The following PPP2R3A variants were observed in gnomAD, a reference collection of about 807,000 sequenced individuals.
PPP2R3A encodes the protein serine/threonine-protein phosphatase 2A regulatory subunit B'' subunit alpha.
In PPP2R3A, 80 loss-of-function variants were observed where a neutral mutation model predicts 106.9. That is an observed-to-expected ratio of 0.75 (90% CI 0.62 to 0.90). PPP2R3A has a LOEUF of 0.90. Among genes scored for constraint, PPP2R3A ranks in the 40% least tolerant of loss-of-function variants. The pLI, the probability that PPP2R3A is intolerant of heterozygous loss-of-function variation, is 0.00. For missense variants in PPP2R3A, 1,386 were observed against 1,350.4 expected, an observed-to-expected ratio of 1.03 and a Z score of -0.41; for synonymous variants, 483 against 468.3, an observed-to-expected ratio of 1.03 and a Z score of -0.41.
intron 13 of PPP2R3A, among the ~76,000 whole-genome samples, chr3:136,143,692 G>A (rs1576344897): frequency 6.6e-6 from 1 of 152,110 alleles, no homozygotes; most frequent in Non-Finnish European, 1.5e-5. Context: ...TCGGGAGGCT[G>A]AGGCAGGAGA....
intron 1 of PPP2R3A, 37 bp downstream of exon 1, chr3:135,965,886 T>G (rs1306289686): frequency 1.3e-5 from 2 of 150,518 alleles, no homozygotes; most frequent in Non-Finnish European, 3.0e-5. Context: ...GCCTGGAGCC[T>G]TCAGCTCCCT....
chr3:136,068,948 C>A (rs1055436631), intron 5 of PPP2R3A, among the ~76,000 whole-genome samples: 9 of 152,110 alleles, frequency 5.9e-5, no homozygotes, highest in African/African-American at 1.7e-4. Flanking sequence ...TAATCATGAC[C>A]AGACATCAAA....
At chr3:136,123,168 C>T (rs1425240169) in intron 13 of PPP2R3A, among the ~76,000 whole-genome samples, 1 of 151,994 alleles carries the variant, frequency 6.6e-6, no homozygotes, top group African/African-American at 2.4e-5. Context: ...AATAAGGACA[C>T]AGAATAGCAA....
intron 13 of PPP2R3A, among the ~76,000 whole-genome samples, chr3:136,142,235 T>C (rs1938904560): frequency 6.6e-6 from 1 of 152,226 alleles, no homozygotes; most frequent in Non-Finnish European, 1.5e-5. Context: ...GGTAATTTTA[T>C]TGTGAGACAT....
intron 13 of PPP2R3A, among the ~76,000 whole-genome samples, chr3:136,127,237 C>A (rs1024945371): frequency 1.6e-4 from 24 of 152,064 alleles, no homozygotes; most frequent in African/African-American, 5.8e-4. Context: ...GGAGGATGTT[C>A]GAACCCATTG....
In PPP2R3A at chr3:136,030,776, ATATATG is replaced by A. The variant is rs1221111126; in HGVS notation, c.2262+3682_2262+3687del. ...TATTCCATCACATATATATATATAT[ATATATG>A]TATGTATGTATGTATGTATGTATGT... On this transcript the variant is annotated intron_variant, in intron 3 of 13. Transcript: ENST00000264977. 2.8e-3 allele frequency among the ~76,000 whole-genome samples: 343 copies of A among 124,426 alleles called. 2 individuals carry two copies. Among genetic ancestry groups the A allele is most frequent in the African/African-American group, 5.3e-3 (128 of 24,100 alleles). The allele number at this position is 124,426 out of a possible 152,430, so 81.6% of individuals were successfully genotyped here.
At position 136,118,904 on chromosome 3, in the gene PPP2R3A, C is replaced by T. The variant is rs563849170; in HGVS notation, c.3329+12582C>T. Among the ~76,000 whole-genome samples, 6 of 152,274 alleles carry T rather than the reference C, an allele frequency of 3.9e-5. No homozygotes were observed. In the South Asian group the frequency reaches 1.2e-3, roughly 32 times the overall value. On this transcript the variant is annotated intron_variant, in intron 13 of 13. Coordinates refer to ENST00000264977, the MANE Select transcript of PPP2R3A (RefSeq NM_002718.5). ...TCATATGGAACCAAAAAAGAGCCCACATTGCCAAGCCAATCCTAAGCAAAA... is the reference window on the plus strand; with the variant it reads ...TCATATGGAACCAAAAAAGAGCCCATATTGCCAAGCCAATCCTAAGCAAAA...
intron 1 of PPP2R3A, among the ~76,000 whole-genome samples, chr3:135,983,726 G>A (rs549160850): frequency 1.3e-5 from 2 of 152,188 alleles, no homozygotes; most frequent in African/African-American, 4.8e-5. Context: ...TAGCCTTATG[G>A]CATGTTTTGT....
chr3:136,086,848 C>A (rs1369894581), intron 8 of PPP2R3A, among the ~76,000 whole-genome samples: 6 of 152,128 alleles, frequency 3.9e-5, no homozygotes, highest in Non-Finnish European at 4.4e-5. Flanking sequence ...GCTGCTAAGT[C>A]CCTAATGACC....
chr3:136,017,738 A>G (rs1186478900), intron 2 of PPP2R3A, among the ~76,000 whole-genome samples: 3 of 152,186 alleles, frequency 2.0e-5, no homozygotes, highest in African/African-American at 7.2e-5. Context: ...CAGAGTGACT[A>G]TGCTATCTTT....
At chr3:136,098,753 C>T (rs1030767252) in intron 10 of PPP2R3A, among the ~76,000 whole-genome samples, 1 of 152,162 alleles carries the variant, frequency 6.6e-6, no homozygotes, top group Admixed American at 6.5e-5. Flanking sequence ...AACCAAGAAG[C>T]AACCAGATAT....
intron 5 of PPP2R3A, among the ~76,000 whole-genome samples, chr3:136,065,346 A>C (rs981903490): frequency 1.3e-5 from 2 of 152,190 alleles, no homozygotes; most frequent in Non-Finnish European, 2.9e-5. Flanking sequence ...AGTGTAAATG[A>C]TTGGAAAGAA....
intron 2 of PPP2R3A, among the ~76,000 whole-genome samples, chr3:136,024,066 A>T (rs1934563069): frequency 6.6e-6 from 1 of 152,166 alleles, no homozygotes; most frequent in South Asian, 2.1e-4. Context: ...ACAGTGACAT[A>T]ATAGCACAAG....
chr3:136,070,652 G>A, intron 6 of PPP2R3A, 100 bp downstream of exon 6: 1 of 839,276 alleles, frequency 1.2e-6, no homozygotes, highest in Non-Finnish European at 1.7e-6. Context: ...AAGGTAACAT[G>A]GGTTATAATG....
Position 136,015,595 on chromosome 3 carries a change from C to T in PPP2R3A, c.1996-11237C>T, listed in dbSNP as rs769386091. On this transcript the variant is annotated intron_variant, in intron 2 of 13. Transcript: ENST00000264977. ...CATCTCTTCTAGGTTTTTCAGTTTG[C>T]GTGCATGAAGGTGTTCATAGTAGCC... Among the ~76,000 whole-genome samples the T allele has an allele frequency of 7.5e-4, 114 of 151,840 alleles. 1 individual carries two copies. The highest frequency in any genetic ancestry group is 3.4e-3 in the Middle Eastern group (1 of 292).
intron 13 of PPP2R3A, among the ~76,000 whole-genome samples, chr3:136,120,191 C>T (rs900754967): frequency 3.3e-5 from 5 of 151,980 alleles, no homozygotes; most frequent in East Asian, 1.9e-4. Flanking sequence ...ATGTGGATGA[C>T]GGGTTTGATG....
At chr3:135,985,443 A>C (rs1338446918) in intron 1 of PPP2R3A, among the ~76,000 whole-genome samples, 1 of 148,866 alleles carries the variant, frequency 6.7e-6, no homozygotes, top group African/African-American at 2.5e-5. Context: ...CCTCTCTCTC[A>C]CACACACATA....
chr3:136,065,768 T>G (rs1936246647), intron 5 of PPP2R3A, among the ~76,000 whole-genome samples: 1 of 152,190 alleles, frequency 6.6e-6, no homozygotes, highest in African/African-American at 2.4e-5. Context: ...CTCAACTATG[T>G]GGGCTCAAGC....
chr3:136,087,724 T>C (rs1377680466), intron 8 of PPP2R3A, 159 bp from the exon 9 acceptor site: 1 of 519,920 alleles, frequency 1.9e-6, no homozygotes, highest in East Asian at 3.0e-5. Context: ...TTTAAAATTA[T>C]ATTAAAATTA....
Sources: allele counts gnomAD v4.1 joint callset (sites outside exome capture counted in the v4.1 genomes callset), GRCh38; gene constraint gnomAD v4.1.1; transcripts MANE v1.5; gene names NCBI Gene and HGNC (gene_info 2026-07-23, HGNC 2026-07-21).